The following SGMS1 variants were observed in gnomAD, a reference collection of about 807,000 sequenced individuals.
The protein encoded by SGMS1 is phosphatidylcholine:ceramide cholinephosphotransferase 1.
SGMS1 carries 13 observed loss-of-function variants against 46.2 expected under a neutral mutation model. The observed-to-expected ratio is 0.28, with a 90% CI of 0.18 to 0.45. The LOEUF (loss-of-function observed/expected upper bound fraction) is 0.45. Ranked by LOEUF, SGMS1 falls within the 20% of genes least tolerant of loss-of-function variation. The pLI, the probability that SGMS1 is intolerant of heterozygous loss-of-function variation, is 1.00. For synonymous variants in SGMS1, 203 were observed against 187.8 expected (o/e 1.08, Z -0.66); for missense variants, 324 against 519.9 (o/e 0.62, Z 3.66).
rs117335880 is a variant in SGMS1 at position 50,378,620 on chromosome 10, A to G, written c.-231-34275T>C. Among the ~76,000 whole-genome samples the G allele has an allele frequency of 3.1e-3, 473 of 152,300 alleles. 2 individuals are homozygous for G. Among genetic ancestry groups the G allele is most frequent in the Non-Finnish European group, 3.8e-3 (260 of 68,014 alleles). The stretch of plus-strand genomic sequence containing the variant: ...TTCTATTCAAGTACCCCAAACTCAT[A>G]TATATATAGTAAGATATAAAACCTT... On this transcript the variant is annotated intron_variant, in intron 6 of 10. Transcript: ENST00000361781.
At chr10:50,417,746 G>A (rs1849194315) in intron 6 of SGMS1, among the ~76,000 whole-genome samples, 1 of 152,144 alleles carries the variant, frequency 6.6e-6, no homozygotes, top group Non-Finnish European at 1.5e-5. Context: ...ACTGCCATTA[G>A]GAAGACTTGA....
At chr10:50,558,067 A>T (rs1052322509) in intron 2 of SGMS1, among the ~76,000 whole-genome samples, 1 of 152,208 alleles carries the variant, frequency 6.6e-6, no homozygotes, top group Non-Finnish European at 1.5e-5. Flanking sequence ...CCTTGAAATT[A>T]AGAAACTGAG....
At chr10:50,625,015 TC>T, upstream of SGMS1, 1 of 1,006,600 alleles carries the variant, frequency 9.9e-7, no homozygotes, top group South Asian at 3.4e-5. Context: ...GGGACCGTCC[TC>T]CCCCGCCACG....
intron 3 of SGMS1, among the ~76,000 whole-genome samples, chr10:50,514,295 T>C (rs1837783509): frequency 6.6e-6 from 1 of 152,208 alleles, no homozygotes; most frequent in Non-Finnish European, 1.5e-5. Context: ...CGATAAGTCT[T>C]TGAGATTGTT....
At chr10:50,556,058 C>T (rs1201613445) in intron 2 of SGMS1, among the ~76,000 whole-genome samples, 2 of 152,160 alleles carry the variant, frequency 1.3e-5, no homozygotes, top group African/African-American at 2.4e-5. Flanking sequence ...ACCTACCCAC[C>T]CTGTCTCTTG....
At chr10:50,435,435 G>A (rs186490851) in intron 5 of SGMS1, among the ~76,000 whole-genome samples, 1 of 152,294 alleles carries the variant, frequency 6.6e-6, no homozygotes, top group African/African-American at 2.4e-5. Context: ...CTTTCCTGAT[G>A]AGACCATTCT....
chr10:50,565,145 T>C (rs1029984104), intron 2 of SGMS1, among the ~76,000 whole-genome samples: 1 of 152,212 alleles, frequency 6.6e-6, no homozygotes, highest in South Asian at 2.1e-4. Flanking sequence ...TATTTACATA[T>C]CATTGCCTAC....
chr10:50,555,055 T>G (rs972738514), intron 2 of SGMS1, among the ~76,000 whole-genome samples: 1 of 152,174 alleles, frequency 6.6e-6, no homozygotes, highest in Non-Finnish European at 1.5e-5. Flanking sequence ...CCTCCCCAAA[T>G]GGGGTCACGC....
rs971227328 is a variant in SGMS1 at position 50,437,203 on chromosome 10, C to G, written c.-312-3647G>C. On this transcript the variant is annotated intron_variant, in intron 5 of 10. Coordinates refer to ENST00000361781, the MANE Select transcript of SGMS1 (RefSeq NM_147156.4). Reference sequence around the variant, plus strand: ...GGTGAAGCCACAAAAAAAGAGGTATCCCAGTATGCTCAACAATGTTCCAGC... The same window carrying G: ...GGTGAAGCCACAAAAAAAGAGGTATGCCAGTATGCTCAACAATGTTCCAGC... 5.3e-5 allele frequency among the ~76,000 whole-genome samples: 8 copies of G among 152,246 alleles called. No homozygotes were observed. The East Asian group carries it at 1.5e-3, about 29-fold the overall frequency.
intron 8 of SGMS1, among the ~76,000 whole-genome samples, chr10:50,324,076 T>C (rs1168469495): frequency 1.3e-5 from 2 of 152,156 alleles, no homozygotes; most frequent in South Asian, 2.1e-4. Context: ...ATGATGACAA[T>C]ACTAAGTCCT....
intron 6 of SGMS1, among the ~76,000 whole-genome samples, chr10:50,411,649 T>C (rs983274926): frequency 3.9e-5 from 6 of 152,240 alleles, no homozygotes; most frequent in African/African-American, 1.2e-4. Context: ...GGTCACTGGT[T>C]CCACCTGAAA....
chr10:50,619,906 T>G (rs1359309833), intron 1 of SGMS1, among the ~76,000 whole-genome samples: 1 of 152,194 alleles, frequency 6.6e-6, no homozygotes, highest in Non-Finnish European at 1.5e-5. Flanking sequence ...CTCTTGGCTT[T>G]TGGCAGAGTG....
rs557442847 is a variant in SGMS1 at position 50,512,068 on chromosome 10, G to T, written c.-498+7763C>A. Among the ~76,000 whole-genome samples the T allele has an allele frequency of 5.3e-5, 8 of 152,262 alleles. No homozygotes were observed. In the East Asian group the frequency reaches 1.5e-3, roughly 29 times the overall value. ...ATTACAATGTCCATAGTAGGGCTTT[G>T]AGGGAGTGGATTGTGAAACAGATGG... On this transcript the variant is annotated intron_variant, in intron 3 of 10. Transcript: ENST00000361781.
chr10:50,547,151 T>C (rs1438050038), intron 2 of SGMS1, among the ~76,000 whole-genome samples: 1 of 152,164 alleles, frequency 6.6e-6, no homozygotes, highest in Admixed American at 6.5e-5. Context: ...AGAAGAGTTG[T>C]TTCTATTGAA....
intron 1 of SGMS1, among the ~76,000 whole-genome samples, chr10:50,607,016 T>C (rs1838703796): frequency 6.7e-6 from 1 of 150,104 alleles, no homozygotes; most frequent in South Asian, 2.1e-4. Flanking sequence ...TCTCACTCCA[T>C]CACCCAGGCT....
intron 9 of SGMS1, among the ~76,000 whole-genome samples, chr10:50,308,443 T>C (rs1280859742): frequency 1.3e-5 from 2 of 152,198 alleles, no homozygotes; most frequent in Non-Finnish European, 2.9e-5. Flanking sequence ...TAATGCATCA[T>C]GTTTCGTTTT....
intron 2 of SGMS1, among the ~76,000 whole-genome samples, chr10:50,545,756 GAAA>G (rs747266065): frequency 1.3e-5 from 2 of 152,112 alleles, no homozygotes; most frequent in Non-Finnish European, 2.9e-5. Flanking sequence ...TTATTAGAAA[GAAA>G]GAATGCGGTA....
intron 2 of SGMS1, among the ~76,000 whole-genome samples, chr10:50,535,230 C>A (rs1014399874): frequency 8.3e-5 from 1 of 12,090 alleles, no homozygotes; most frequent in African/African-American, 4.0e-4. Context: ...GAGTCCATCT[C>A]AAAACAACAA....
At chr10:50,504,768 G>C (rs961104456) in intron 3 of SGMS1, among the ~76,000 whole-genome samples, 1 of 152,060 alleles carries the variant, frequency 6.6e-6, no homozygotes, top group African/African-American at 2.4e-5. Context: ...AAACATTTCT[G>C]AGTTATTATT....
Sources: allele counts gnomAD v4.1 joint callset (sites outside exome capture counted in the v4.1 genomes callset), GRCh38; gene constraint gnomAD v4.1.1; transcripts MANE v1.5; gene names NCBI Gene and HGNC (gene_info 2026-07-23, HGNC 2026-07-21).